SYN1: variants seen among roughly 807,000 people sequenced by gnomAD.
The protein encoded by SYN1 is synapsin-1.
SYN1 carries 8 observed loss-of-function variants against 44.6 expected under a neutral mutation model. The ratio of observed to expected loss-of-function variants is 0.18; its 90% CI spans 0.11 to 0.32. The LOEUF is 0.32. Ranked by LOEUF, SYN1 falls within the 10% of genes least tolerant of loss-of-function variation. SYN1 has a pLI of 1.00. For missense variants in SYN1, 451 were observed against 639.4 expected (o/e 0.71, Z 3.18); for synonymous variants, 275 against 280.1 (o/e 0.98, Z 0.18).
intron 1 of SYN1, among the ~76,000 whole-genome samples, chrX:47,611,021 G>A: frequency 9.0e-6 from 1 of 110,963 alleles, no homozygotes; most frequent in Non-Finnish European, 1.9e-5. Flanking sequence ...GCTTACAGTG[G>A]GTCTGGTGGG....
chrX:47,573,112 G>T, intron 12 of SYN1, 113 bp from the exon 13 acceptor site: 1 of 1,018,897 alleles, frequency 9.8e-7, no homozygotes, highest in South Asian at 2.0e-5. Flanking sequence ...CTCTGATCCT[G>T]GGGCTGTGCC....
In SYN1 at chrX:47,619,233, A is replaced by G. The variant is rs1325428184; in HGVS notation, c.377+119T>C. 2.8e-6 allele frequency: 3 copies of G among 1,065,532 alleles called. No individual in the cohort carries two copies. The African/African-American group carries it at 5.6e-5, about 20-fold the overall frequency. The allele number at this position is 1,065,532 out of a possible 1,213,427, so 87.8% of individuals were successfully genotyped here. ...CATCCAGCTTAATAATTTAAAGGAA[A>G]AAGATTTAGGTGAGAGGGCCAGGTG... On this transcript the variant is annotated intron_variant, in intron 1 of 12. Transcript: ENST00000295987.
intron 5 of SYN1, among the ~76,000 whole-genome samples, chrX:47,604,351 C>G (rs752947837): frequency 7.2e-5 from 8 of 110,975 alleles, no homozygotes; most frequent in Non-Finnish European, 1.3e-4. Context: ...CTCCCGGGTT[C>G]AAGTGATTCT....
intron 5 of SYN1, among the ~76,000 whole-genome samples, chrX:47,587,868 A>T (rs1481035264): frequency 9.0e-6 from 1 of 111,009 alleles, no homozygotes; most frequent in African/African-American, 3.3e-5. Context: ...TGTCCTCCTG[A>T]CCTGAACGTG....
At chrX:47,596,426 G>A (rs1258536321) in intron 5 of SYN1, among the ~76,000 whole-genome samples, 1 of 112,571 alleles carries the variant, frequency 8.9e-6, no homozygotes, top group Non-Finnish European at 1.9e-5. Context: ...GCATAAGGCT[G>A]TATGTATGCC....
intron 5 of SYN1, among the ~76,000 whole-genome samples, chrX:47,603,698 C>T (rs191481537): frequency 4.5e-5 from 5 of 110,127 alleles, no homozygotes; most frequent in Non-Finnish European, 7.6e-5. Flanking sequence ...AAAACAGGTA[C>T]TTATAATTTA....
At chrX:47,619,085 C>G (rs2057939434) in intron 1 of SYN1, among the ~76,000 whole-genome samples, 1 of 110,502 alleles carries the variant, frequency 9.0e-6, no homozygotes, top group African/African-American at 3.3e-5. Flanking sequence ...TATATTGAAG[C>G]CAAAGACTTT....
In SYN1 at chrX:47,583,376, C is replaced by T. The variant is rs745509141; in HGVS notation, c.775-5875G>A. On this transcript the variant is annotated intron_variant, in intron 5 of 12. Coordinates refer to ENST00000295987, the MANE Select transcript of SYN1 (RefSeq NM_006950.3). ...GCCCAGGTCAGCAGATCAGCTGGGCCGGGGCCTGCCTGACATCCCCCTTCC... is the reference window on the plus strand; with the variant it reads ...GCCCAGGTCAGCAGATCAGCTGGGCTGGGGCCTGCCTGACATCCCCCTTCC... The T allele has an allele frequency of 5.9e-5, 69 of 1,170,203 alleles. No homozygotes were observed. In the Admixed American group the frequency reaches 7.2e-4, roughly 12 times the overall value.
chrX:47,598,148 A>AT (rs936902458), intron 5 of SYN1, among the ~76,000 whole-genome samples: 9 of 112,227 alleles, frequency 8.0e-5, no homozygotes, highest in East Asian at 5.6e-4. Flanking sequence ...GTATAAATGC[A>AT]TTTTTTTGCG....
intron 5 of SYN1, among the ~76,000 whole-genome samples, chrX:47,592,070 C>G: frequency 9.0e-6 from 1 of 111,692 alleles, no homozygotes; most frequent in South Asian, 3.7e-4. Context: ...CTGGACATGG[C>G]GGCTCATGCC....
intron 1 of SYN1, among the ~76,000 whole-genome samples, chrX:47,615,824 G>A (rs1368224999): frequency 2.7e-5 from 3 of 110,892 alleles, no homozygotes; most frequent in African/African-American, 6.6e-5. Flanking sequence ...CCCAGGAGAC[G>A]GAGGTTGCAG....
intron 5 of SYN1, among the ~76,000 whole-genome samples, chrX:47,580,193 T>A (rs1329369517): frequency 2.8e-5 from 3 of 106,488 alleles, no homozygotes; most frequent in African/African-American, 6.8e-5. Flanking sequence ...TGCTTTTTTT[T>A]TTTTTTTTAA....
At chrX:47,607,628 A>C (rs2057901860) in intron 1 of SYN1, among the ~76,000 whole-genome samples, 1 of 107,616 alleles carries the variant, frequency 9.3e-6, no homozygotes, top group East Asian at 2.9e-4. Context: ...CTGTAATCTC[A>C]GCACTTTGGG....
chrX:47,574,625 G>A, intron 11 of SYN1, 35 bp from the exon 12 acceptor site: 1 of 1,122,201 alleles, frequency 8.9e-7, no homozygotes, highest in Non-Finnish European at 1.2e-6. Context: ...GCACACGTGA[G>A]AGTGAGCGGG....
Position 47,619,630 on chromosome X carries a change from C to T in SYN1, c.99G>A (p.Pro33=). ...TDLQRPQPPP[P]PPGAHSPGAT... ...CTCCGGGGCTGTGGGCACCGGGCGG[C>T]GGTGGGGGCGGCTGCGGACGCTGCA... Residue 33 remains proline (P), a synonymous_variant, in exon 1 of 13, where the codon CCG becomes CCA. Transcript: ENST00000295987. 2.6e-6 allele frequency: 3 copies of T among 1,159,245 alleles called. No individual in the cohort carries two copies. The highest frequency in any genetic ancestry group is 3.5e-6 in the Non-Finnish European group (3 of 868,617).
chrX:47,607,727 G>GA (rs5902397), intron 1 of SYN1, among the ~76,000 whole-genome samples: 2,632 of 51,618 alleles, frequency 0.051, 135 homozygotes, highest in African/African-American at 0.13. Context: ...AAAAAAAATT[G>GA]AAAAAAAAAA....
chrX:47,604,785 G>T, intron 5 of SYN1, 193 bp downstream of exon 5: 1 of 467,557 alleles, frequency 2.1e-6, no homozygotes. Flanking sequence ...ATATTAGAAT[G>T]GATCATGATT....
At chrX:47,578,877 C>G (rs746482106) in intron 5 of SYN1, among the ~76,000 whole-genome samples, 1 of 111,407 alleles carries the variant, frequency 9.0e-6, no homozygotes, top group African/African-American at 3.3e-5. Flanking sequence ...CCTCTGCACA[C>G]CCCCCCTTCC....
chrX:47,573,903 G>A, intron 12 of SYN1, 99 bp downstream of exon 12: 2 of 811,464 alleles, frequency 2.5e-6, no homozygotes, highest in Non-Finnish European at 3.3e-6. Flanking sequence ...CCCTGCATAG[G>A]ACCTGGGTCT....
Sources: gnomAD v4.1 joint callset for allele counts (sites outside exome capture counted in the v4.1 genomes callset) on GRCh38, gnomAD v4.1.1 for gene constraint, MANE v1.5 for transcripts, NCBI Gene and HGNC (gene_info 2026-07-23, HGNC 2026-07-21) for gene names.